The following ZNF644 variants were observed in gnomAD, a reference collection of about 807,000 sequenced individuals.
ZNF644 encodes the protein zinc finger protein 644, also known as zinc finger motif enhancer binding protein 2.
ZNF644 carries 20 observed loss-of-function variants against 108.0 expected under a neutral mutation model. The observed-to-expected ratio is 0.19, with a 90% confidence interval of 0.13 to 0.27. The LOEUF is 0.27. Among genes scored for constraint, ZNF644 ranks in the 10% least tolerant of loss-of-function variants. The probability of loss-of-function intolerance (pLI) is 1.00; values close to 1 mark genes in which losing one functional copy is unlikely to be tolerated. For missense variants in ZNF644, 1,338 were observed against 1,548.9 expected, an observed-to-expected ratio of 0.86 and a Z score of 2.29; for synonymous variants, 542 against 539.1, an observed-to-expected ratio of 1.01 and a Z score of -0.08.
intron 4 of ZNF644, among the ~76,000 whole-genome samples, chr1:90,927,082 G>A (rs943432958): frequency 3.5e-5 from 5 of 144,608 alleles, no homozygotes; most frequent in African/African-American, 1.0e-4. Context: ...TCCCCACCCC[G>A]ACCCCCATTT....
chr1:90,955,044 T>G (rs897936255), intron 2 of ZNF644, among the ~76,000 whole-genome samples: 38 of 152,270 alleles, frequency 2.5e-4, no homozygotes, highest in African/African-American at 8.9e-4. Flanking sequence ...CAATGGATGC[T>G]GTGTTGGCAG....
intron 5 of ZNF644, among the ~76,000 whole-genome samples, chr1:90,917,846 T>C (rs1319473164): frequency 1.3e-5 from 2 of 152,230 alleles, no homozygotes. Context: ...TACTATTGGC[T>C]AATGTAAAAA....
chr1:90,960,504 G>A (rs1345066600), intron 2 of ZNF644, among the ~76,000 whole-genome samples: 1 of 152,098 alleles, frequency 6.6e-6, no homozygotes, highest in African/African-American at 2.4e-5. Flanking sequence ...GATAAAGAGG[G>A]ACTACTGTTC....
At chr1:90,964,794 G>C (rs749615318) in intron 2 of ZNF644, among the ~76,000 whole-genome samples, 12 of 152,034 alleles carry the variant, frequency 7.9e-5, no homozygotes, top group Non-Finnish European at 1.6e-4. Context: ...AATAGAAGAG[G>C]TCTTTTTTTT....
At chr1:91,008,826 G>A (rs1259049383) in intron 1 of ZNF644, among the ~76,000 whole-genome samples, 5 of 152,142 alleles carry the variant, frequency 3.3e-5, no homozygotes, top group Non-Finnish European at 7.3e-5. Flanking sequence ...ACAGATGAAG[G>A]TGATACATGA....
At chr1:90,951,208 C>T (rs1404736140) in intron 2 of ZNF644, among the ~76,000 whole-genome samples, 1 of 152,192 alleles carries the variant, frequency 6.6e-6, no homozygotes, top group Non-Finnish European at 1.5e-5. Context: ...TACACACTTA[C>T]CATCTATTCT....
chr1:90,969,570 A>G (rs913332085), intron 2 of ZNF644, among the ~76,000 whole-genome samples: 1 of 152,154 alleles, frequency 6.6e-6, no homozygotes, highest in Non-Finnish European at 1.5e-5. Context: ...GTCCTGCTCC[A>G]TCCTACCCAG....
chr1:91,020,341 C>G (rs577739679), intron 1 of ZNF644: 1 of 152,102 alleles, frequency 6.6e-6, no homozygotes, highest in South Asian at 2.1e-4. Flanking sequence ...TTAAATATCC[C>G]TCCAACCAAG....
In ZNF644 at chr1:90,939,268, C is replaced by T. The variant is rs1651686631; in HGVS notation, c.2086G>A (p.Val696Ile). 1 of 1,614,022 alleles carries T rather than the reference C, an allele frequency of 6.2e-7. No individual in the cohort carries two copies. Residue 696 changes from valine (V) to isoleucine (I), a missense_variant, in exon 3 of 6, where the codon GTA (valine) becomes ATA (isoleucine). Coordinates refer to ENST00000337393, the MANE Select transcript of ZNF644 (RefSeq NM_201269.3). ...GAGCTGTTTTGATTGCACATGTTTACACCTGATTGGGCAATGCTTTTCCGA... is the reference window on the plus strand; with the variant it reads ...GAGCTGTTTTGATTGCACATGTTTATACCTGATTGGGCAATGCTTTTCCGA... ...KARKSIAQSG[V>I]NMCNQNSSPH...
chr1:90,922,174 C>T, intron 4 of ZNF644, among the ~76,000 whole-genome samples: 1 of 152,078 alleles, frequency 6.6e-6, no homozygotes, highest in African/African-American at 2.4e-5. Flanking sequence ...TAAAGCACAC[C>T]ATAACTAAAT....
chr1:90,963,529 C>T (rs1654537213), intron 2 of ZNF644, among the ~76,000 whole-genome samples: 2 of 152,046 alleles, frequency 1.3e-5, no homozygotes, highest in Admixed American at 1.3e-4. Context: ...GAAACATGTA[C>T]AAGAATGTTC....
intron 2 of ZNF644, among the ~76,000 whole-genome samples, chr1:90,968,793 G>T (rs747017139): frequency 2.6e-5 from 4 of 152,030 alleles, no homozygotes; most frequent in Non-Finnish European, 5.9e-5. Context: ...AATATATACA[G>T]ATAAATAGAT....
intron 1 of ZNF644, among the ~76,000 whole-genome samples, chr1:91,010,559 C>T (rs1659870131): frequency 6.6e-6 from 1 of 152,020 alleles, no homozygotes; most frequent in African/African-American, 2.4e-5. Context: ...GCTGTTATCT[C>T]CTTCCCTTTC....
At chr1:90,963,615 C>A (rs1048395165) in intron 2 of ZNF644, among the ~76,000 whole-genome samples, 2 of 152,028 alleles carry the variant, frequency 1.3e-5, no homozygotes, top group Admixed American at 6.6e-5. Flanking sequence ...TGAACCATAG[C>A]GACATCTGAC....
intron 5 of ZNF644, 25 bp downstream of exon 5, chr1:90,918,027 C>A: frequency 1.9e-6 from 3 of 1,573,604 alleles, no homozygotes; most frequent in South Asian, 2.2e-5. Context: ...AGAAACTGAT[C>A]AGATTTGGCA....
chr1:90,930,160 C>T (rs1213441136), intron 4 of ZNF644, among the ~76,000 whole-genome samples: 2 of 152,140 alleles, frequency 1.3e-5, no homozygotes, highest in Non-Finnish European at 2.9e-5. Flanking sequence ...ATGGCGTGTG[C>T]CTGTAATCCC....
chr1:90,991,911 A>T (rs1223517017), intron 1 of ZNF644, among the ~76,000 whole-genome samples: 1 of 152,222 alleles, frequency 6.6e-6, no homozygotes, highest in East Asian at 1.9e-4. Context: ...TTGAAACACT[A>T]GCGGAAAAAT....
At chr1:90,950,052 C>G (rs1652922974) in intron 2 of ZNF644, among the ~76,000 whole-genome samples, 1 of 151,410 alleles carries the variant, frequency 6.6e-6, no homozygotes, top group East Asian at 2.0e-4. Flanking sequence ...CCAAGGTGGG[C>G]AGATTGCCTG....
chr1:90,980,889 C>T (rs1656479649), intron 2 of ZNF644, among the ~76,000 whole-genome samples: 1 of 152,070 alleles, frequency 6.6e-6, no homozygotes, highest in South Asian at 2.1e-4. Context: ...ATGGTGGTTA[C>T]ACATATGAAT....
Sources: allele counts gnomAD v4.1 joint callset (sites outside exome capture counted in the v4.1 genomes callset), GRCh38; gene constraint gnomAD v4.1.1; transcripts MANE v1.5; gene names NCBI Gene and HGNC (gene_info 2026-07-23, HGNC 2026-07-21).